RBFOX2: variants seen among roughly 807,000 people sequenced by gnomAD.
The protein encoded by RBFOX2 is RNA binding fox-1 homolog 2, also known as RNA binding protein fox-1 homolog 2.
A neutral mutation model predicts 49.1 loss-of-function variants in RBFOX2; 10 were observed. The observed-to-expected ratio is 0.20, with a 90% confidence interval of 0.13 to 0.35. The LOEUF is 0.35. Among genes scored for constraint, RBFOX2 ranks in the 10% least tolerant of loss-of-function variants. The pLI is 1.00. For synonymous variants in RBFOX2, 183 were observed against 187.4 expected, an observed-to-expected ratio of 0.98 and a Z score of 0.19; for missense variants, 323 against 486.9, an observed-to-expected ratio of 0.66 and a Z score of 3.17.
intron 1 of RBFOX2, among the ~76,000 whole-genome samples, chr22:35,856,103 G>C (rs966676404): frequency 2.0e-5 from 3 of 152,064 alleles, no homozygotes; most frequent in Admixed American, 6.6e-5. Context: ...CCTAGACTTA[G>C]AAACAGACCT....
upstream of RBFOX2, among the ~76,000 whole-genome samples, chr22:35,964,231 G>GA (rs1233267337): frequency 6.6e-6 from 1 of 151,940 alleles, no homozygotes; most frequent in Non-Finnish European, 1.5e-5. Flanking sequence ...GTGAGGGTTG[G>GA]AAAAAAACAT....
At chr22:35,811,509 CTG>C (rs1427852585) in intron 1 of RBFOX2, among the ~76,000 whole-genome samples, 1 of 152,124 alleles carries the variant, frequency 6.6e-6, no homozygotes, top group African/African-American at 2.4e-5. Context: ...TGCTGACACC[CTG>C]ATCTTGCACT....
chr22:35,991,847 T>G (rs919798317), intron 1 of RBFOX2, among the ~76,000 whole-genome samples: 1 of 152,166 alleles, frequency 6.6e-6, no homozygotes, highest in African/African-American at 2.4e-5. Context: ...GGCCTCAAGA[T>G]TCAAGAACTT....
At chr22:35,916,878 T>TA (rs754205670) in intron 1 of RBFOX2, among the ~76,000 whole-genome samples, 416 of 137,374 alleles carry the variant, frequency 3.0e-3, no homozygotes, top group East Asian at 0.01. Flanking sequence ...CTGAAAAATT[T>TA]AAAAAAAAAA....
intron 1 of RBFOX2, among the ~76,000 whole-genome samples, chr22:36,015,108 A>G (rs2058983281): frequency 6.6e-6 from 1 of 152,236 alleles, no homozygotes; most frequent in African/African-American, 2.4e-5. Context: ...ATTAGTTTCT[A>G]AACCCAAATA....
chr22:35,784,803 G>A (rs1181893229), intron 2 of RBFOX2, among the ~76,000 whole-genome samples: 1 of 152,172 alleles, frequency 6.6e-6, no homozygotes, highest in Admixed American at 6.5e-5. Context: ...TGGTTGCCGT[G>A]AGAGGGCCCG....
chr22:35,809,968 C>T, exon 2 of RBFOX2: 1 of 1,614,036 alleles, frequency 6.2e-7, no homozygotes, highest in Non-Finnish European at 8.5e-7. Flanking sequence ...AAAGGCTGAA[C>T]CATTGCGTCA....
exon 12 of RBFOX2, chr22:35,742,410 C>G (rs1930406893): frequency 6.6e-6 from 1 of 152,650 alleles, no homozygotes; most frequent in African/African-American, 2.4e-5. Flanking sequence ...ATGCTTGATG[C>G]TGTCATAGGT....
intron 1 of RBFOX2, chr22:35,997,879 G>A (rs1383590469): frequency 1.3e-5 from 2 of 152,358 alleles, no homozygotes; most frequent in Admixed American, 1.3e-4. Flanking sequence ...TGGCACACCT[G>A]TAGTCCCAGC....
At chr22:35,871,409 T>C (rs906236404) in intron 1 of RBFOX2, among the ~76,000 whole-genome samples, 6 of 152,124 alleles carry the variant, frequency 3.9e-5, no homozygotes, top group Middle Eastern at 3.2e-3. Context: ...AACCTCAATA[T>C]GCAACAATGG....
At chr22:36,010,468 T>A (rs1412553285) in intron 1 of RBFOX2, among the ~76,000 whole-genome samples, 1 of 151,954 alleles carries the variant, frequency 6.6e-6, no homozygotes, top group Admixed American at 6.6e-5. Flanking sequence ...ACGGTGAGAT[T>A]AGAACTGAGT....
chr22:35,825,618 T>A (rs1167159798), intron 1 of RBFOX2, among the ~76,000 whole-genome samples: 1 of 152,162 alleles, frequency 6.6e-6, no homozygotes, highest in African/African-American at 2.4e-5. Flanking sequence ...ACTTAAGCTC[T>A]CAAGGCCTTC....
At chr22:35,875,334 T>C (rs2044883708) in intron 1 of RBFOX2, among the ~76,000 whole-genome samples, 1 of 152,188 alleles carries the variant, frequency 6.6e-6, no homozygotes, top group Non-Finnish European at 1.5e-5. Flanking sequence ...ATTACTTTTG[T>C]TTAATGGTGA....
At chr22:36,022,788 ACTCTCTCTCCCCC>A (rs1447027200) in intron 1 of RBFOX2, among the ~76,000 whole-genome samples, 1 of 151,852 alleles carries the variant, frequency 6.6e-6, no homozygotes, top group Non-Finnish European at 1.5e-5. Context: ...GAGACCACTG[ACTCTCTCTCCCCC>A]AGGGCACAGA....
At chr22:36,024,504 G>A (rs759842277) in intron 1 of RBFOX2, among the ~76,000 whole-genome samples, 1 of 152,100 alleles carries the variant, frequency 6.6e-6, no homozygotes, top group Non-Finnish European at 1.5e-5. Flanking sequence ...CACTTTGGGA[G>A]GCCAACGCAG....
chr22:35,966,865 T>G (rs567707174), intron 1 of RBFOX2, among the ~76,000 whole-genome samples: 1 of 152,042 alleles, frequency 6.6e-6, no homozygotes, highest in East Asian at 1.9e-4. Flanking sequence ...CAGGCTGGAG[T>G]GTAGTGGTGC....
chr22:35,936,056 A>G (rs1004397107), intron 1 of RBFOX2, among the ~76,000 whole-genome samples: 12 of 151,996 alleles, frequency 7.9e-5, no homozygotes, highest in African/African-American at 2.9e-4. Context: ...AGAATAAGGA[A>G]AGCAAACAGG....
chr22:35,856,876 C>T (rs192132121), intron 1 of RBFOX2, among the ~76,000 whole-genome samples: 19 of 151,964 alleles, frequency 1.3e-4, no homozygotes, highest in South Asian at 2.1e-4. Flanking sequence ...TACTAAAATA[C>T]AAAAAATTAG....
chr22:36,024,668 G>A (rs1197029506), intron 1 of RBFOX2, among the ~76,000 whole-genome samples: 1 of 151,676 alleles, frequency 6.6e-6, no homozygotes, highest in Admixed American at 6.6e-5. Context: ...TTGAACCCAG[G>A]AGGCAGAGGT....
Sources: allele counts gnomAD v4.1 joint callset (sites outside exome capture counted in the v4.1 genomes callset), GRCh38; gene constraint gnomAD v4.1.1; transcripts MANE v1.5; gene names NCBI Gene and HGNC (gene_info 2026-07-23, HGNC 2026-07-21).